COL5A1: variants seen among roughly 807,000 people sequenced by gnomAD.
COL5A1 encodes collagen type V alpha 1 chain.
In COL5A1, 16 loss-of-function variants were observed where a neutral mutation model predicts 263.7. The observed-to-expected ratio is 0.06, with a 90% CI of 0.04 to 0.09. The LOEUF (loss-of-function observed/expected upper bound fraction) is 0.09. Ranked by LOEUF, COL5A1 falls within the 10% of genes least tolerant of loss-of-function variation. The pLI, the probability that COL5A1 is intolerant of heterozygous loss-of-function variation, is 1.00. For missense variants in COL5A1, 2,036 were observed against 2,540.5 expected, an observed-to-expected ratio of 0.80 and a Z score of 4.27; for synonymous variants, 1,012 against 1,004.5, an observed-to-expected ratio of 1.01 and a Z score of -0.14.
chr9:134,814,610 C>G (rs1838667948), intron 49 of COL5A1, among the ~76,000 whole-genome samples, 187 bp from the exon 50 acceptor site: 2 of 152,230 alleles, frequency 1.3e-5, no homozygotes, highest in Admixed American at 6.5e-5. Context: ...AGGTCCCCCT[C>G]AGGGTGCACA....
rs1564414422 is a variant in COL5A1, at chr9:134,727,350, G to GCAGTACCTGACACCC, written c.742_756dup (p.Val248_Pro252dup). The GCAGTACCTGACACCC allele has an allele frequency of 6.2e-7, 1 of 1,613,810 alleles. No individual in the cohort carries two copies. The highest frequency in any genetic ancestry group is 8.5e-7 in the Non-Finnish European group (1 of 1,179,866). ...GCACTACAGCCCTGACTGTGACACC[G>GCAGTACCTGACACCC]CAGTACCTGACACCCCACAGTCGCA... is the stretch of plus-strand genomic sequence containing the variant. On this transcript the variant is annotated inframe_insertion, in exon 5 of 66. Coordinates refer to ENST00000371817, the MANE Select transcript of COL5A1 (RefSeq NM_000093.5).
chr9:134,735,380 A>G (rs1350180566), intron 9 of COL5A1, among the ~76,000 whole-genome samples: 1 of 152,046 alleles, frequency 6.6e-6, no homozygotes, highest in Non-Finnish European at 1.5e-5. Flanking sequence ...TTGGCAAATG[A>G]CATCTACAGT....
At chr9:134,780,964 G>A (rs1837228995) in intron 28 of COL5A1, among the ~76,000 whole-genome samples, 1 of 152,386 alleles carries the variant, frequency 6.6e-6, no homozygotes, top group East Asian at 1.9e-4. Context: ...CGTAAGGCAT[G>A]TTGGTCCCCT....
intron 1 of COL5A1, among the ~76,000 whole-genome samples, chr9:134,645,583 G>A (rs900858417): frequency 6.6e-6 from 1 of 152,230 alleles, no homozygotes; most frequent in Non-Finnish European, 1.5e-5. Context: ...TGGGAATGGA[G>A]GGGCTGGCAC....
intron 27 of COL5A1, among the ~76,000 whole-genome samples, chr9:134,776,533 C>T (rs957646335): frequency 6.6e-6 from 1 of 152,198 alleles, no homozygotes; most frequent in Non-Finnish European, 1.5e-5. Context: ...TACTCCTGTG[C>T]ATTTGGAAAT....
chr9:134,722,884 AGT>A (rs1834513523), intron 4 of COL5A1, among the ~76,000 whole-genome samples: 1 of 151,914 alleles, frequency 6.6e-6, no homozygotes, highest in Non-Finnish European at 1.5e-5. Context: ...GCGGGTGGAG[AGT>A]GGGGCATCCC....
chr9:134,840,305 A>T (rs1485869749), intron 65 of COL5A1, among the ~76,000 whole-genome samples: 5 of 152,128 alleles, frequency 3.3e-5, no homozygotes, highest in African/African-American at 1.2e-4. Context: ...GGGTTGTGAG[A>T]AGGGCAGGGT....
intron 61 of COL5A1, among the ~76,000 whole-genome samples, chr9:134,823,784 T>TGC (rs1839127251): frequency 6.6e-6 from 1 of 152,206 alleles, no homozygotes; most frequent in Non-Finnish European, 1.5e-5. Flanking sequence ...CACGTGTGTG[T>TGC]GCATGTCTGT....
rs142194317 is a variant in COL5A1, at chr9:134,842,792, A to G, written c.*489A>G. The G allele has an allele frequency of 1.2e-4, 22 of 191,038 alleles. 1 individual carries two copies. In the East Asian group the frequency reaches 2.3e-3, roughly 20 times the overall value. The allele number at this position is 191,038 out of a possible 1,614,324, so 11.8% of individuals were successfully genotyped here. A position where few individuals can be genotyped will look rare whatever the true frequency, so the allele number is the denominator to read the frequency against. Reference sequence around the variant, plus strand: ...ATCACCAAAGCCTCCGTTTTTAACAACCTCCAACACGATCCATTTAGAGGC... The same window carrying G: ...ATCACCAAAGCCTCCGTTTTTAACAGCCTCCAACACGATCCATTTAGAGGC... On this transcript the variant is annotated 3_prime_UTR_variant, in exon 66 of 66. Transcript: ENST00000371817. The surrounding 1 kb of genome is among the most constrained non-coding windows in gnomAD (Gnocchi z 5.8).
chr9:134,825,710 A>C, intron 62 of COL5A1, 82 bp from the exon 63 acceptor site: 1 of 889,544 alleles, frequency 1.1e-6, no homozygotes, highest in Non-Finnish European at 1.9e-6. Context: ...TGCTGGACTG[A>C]AATGTCACAG....
intron 1 of COL5A1, among the ~76,000 whole-genome samples, chr9:134,661,665 A>G (rs1021001760): frequency 6.6e-6 from 1 of 151,808 alleles, no homozygotes; most frequent in Non-Finnish European, 1.5e-5. Context: ...AGCCCACTGC[A>G]TCTTCCTGAG....
chr9:134,828,846 C>G (rs1279709300), intron 63 of COL5A1, among the ~76,000 whole-genome samples: 1 of 150,612 alleles, frequency 6.6e-6, no homozygotes, highest in Non-Finnish European at 1.5e-5. Flanking sequence ...CAGATACACC[C>G]ATAACACACT....
rs1837198175 is a variant in COL5A1, at chr9:134,780,151, G to T, written c.2430+5G>T. The T allele has an allele frequency of 5.0e-6, 8 of 1,613,288 alleles. No homozygotes were observed. Among genetic ancestry groups the T allele is most frequent in the Non-Finnish European group, 6.8e-6 (8 of 1,180,018 alleles). On this transcript the variant is annotated splice_donor_5th_base_variant and intron_variant, in intron 28 of 65. Transcript: ENST00000371817. ...AAGGGCACAAAGGGCGAGAAGGTAA[G>T]TCTCTCCTTGCAGCCACGGGGCCCC...
In COL5A1 at chr9:134,682,727, C is replaced by T. The variant is rs532491704; in HGVS notation, c.110-8185C>T. On this transcript the variant is annotated intron_variant, in intron 1 of 65. Coordinates refer to ENST00000371817, the MANE Select transcript of COL5A1 (RefSeq NM_000093.5). This position sits in a 1 kb window ranked among gnomAD's most constrained non-coding sequence, Gnocchi z 5.1. ...AGGAAAAGTCACCCCCAAGTGACCACGAGTGACCAGGTGGAATCTGCTGGT... is the reference window on the plus strand; with the variant it reads ...AGGAAAAGTCACCCCCAAGTGACCATGAGTGACCAGGTGGAATCTGCTGGT... Among the ~76,000 whole-genome samples the T allele has an allele frequency of 2.8e-4, 43 of 152,256 alleles. No homozygotes were observed. Among genetic ancestry groups the T allele is most frequent in the African/African-American group, 5.8e-4 (24 of 41,558 alleles).
chr9:134,718,288 G>A (rs533343191), intron 4 of COL5A1, among the ~76,000 whole-genome samples: 3 of 152,388 alleles, frequency 2.0e-5, no homozygotes, highest in African/African-American at 7.2e-5. Context: ...CAGGGGCTCT[G>A]CAGCAGAGCG....
In COL5A1 at chr9:134,709,229, A is replaced by G. The variant is rs4436198; in HGVS notation, c.654+7896A>G. 2,505 of 336,734 alleles carry G rather than the reference A, an allele frequency of 7.4e-3. 21 individuals are homozygous for G. The highest frequency in any genetic ancestry group is 0.015 in the Middle Eastern group (14 of 930). 20.9% of individuals were successfully genotyped at this position (336,734 alleles called of 1,614,324 possible). The stretch of plus-strand genomic sequence containing the variant: ...AATTGCCACAGAGCACGTGTGCTTA[A>G]AAGTGAGCCTCTGGGCATGCATATT... On this transcript the variant is annotated intron_variant, in intron 4 of 65. Transcript: ENST00000371817.
chr9:134,695,584 A>C (rs1170225040), intron 2 of COL5A1, among the ~76,000 whole-genome samples: 2 of 152,074 alleles, frequency 1.3e-5, no homozygotes, highest in Admixed American at 6.5e-5. Context: ...CACTGAGCAG[A>C]TGCTCCCCAC....
In COL5A1 at chr9:134,696,337, C is replaced by T. The variant is rs1455238052; in HGVS notation, c.278-3572C>T. Among the ~76,000 whole-genome samples the T allele has an allele frequency of 1.3e-5, 2 of 152,060 alleles. No individual in the cohort carries two copies. The highest frequency in any genetic ancestry group is 4.8e-5 in the African/African-American group (2 of 41,388). On this transcript the variant is annotated intron_variant, in intron 2 of 65. Transcript: ENST00000371817. The surrounding 1 kb of genome is among the most constrained non-coding windows in gnomAD (Gnocchi z 4.3). ...TACAGGTGTGTGCCACCACACCCGG[C>T]TAATTTTTTTTATATTTTTGGCAGA...
Position 134,804,933 on chromosome 9 carries a change from G to A in COL5A1, c.3115-42G>A, listed in dbSNP as rs143752251. 4.0e-3 allele frequency: 6,305 copies of A among 1,564,888 alleles called. 27 individuals carry two copies. The highest frequency in any genetic ancestry group is 4.8e-3 in the Non-Finnish European group (5,490 of 1,136,296). On this transcript the variant is annotated intron_variant, in intron 39 of 65. Transcript: ENST00000371817. ...GCTCTGGGGCTGGTGAGAGGTCTGC[G>A]TCACTGGCTCCAGGAAAGCTCATCT...
Sources: allele counts gnomAD v4.1 joint callset (sites outside exome capture counted in the v4.1 genomes callset), GRCh38; gene constraint gnomAD v4.1.1; non-coding constraint Gnocchi (gnomAD v3.1); transcripts MANE v1.5; gene names NCBI Gene and HGNC (gene_info 2026-07-23, HGNC 2026-07-21).